CORIN: variants seen among roughly 807,000 people sequenced by gnomAD.
CORIN encodes the protein atrial natriuretic peptide-converting enzyme.
A neutral mutation model predicts 125.3 loss-of-function variants in CORIN; 117 were observed. The observed-to-expected ratio is 0.93, with a 90% CI of 0.80 to 1.09. The LOEUF (loss-of-function observed/expected upper bound fraction) is 1.09, where lower values mean the gene tolerates loss of function less well. Among genes scored for constraint, CORIN ranks in the 50% least tolerant of loss-of-function variants. The probability of loss-of-function intolerance (pLI) is 0.00; values close to 1 mark genes in which losing one functional copy is unlikely to be tolerated. For synonymous variants in CORIN, 450 were observed against 466.4 expected (o/e 0.96, Z 0.45); for missense variants, 1,253 against 1,306.7 (o/e 0.96, Z 0.63).
chr4:47,705,790 A>C (rs1220344423), intron 5 of CORIN, among the ~76,000 whole-genome samples: 1 of 152,194 alleles, frequency 6.6e-6, no homozygotes, highest in Non-Finnish European at 1.5e-5. Flanking sequence ...CTACCACAAG[A>C]GGGAGACCAC....
Position 47,693,109 on chromosome 4 carries a change from G to A in CORIN, c.800-26C>T, listed in dbSNP as rs200439625. ...CTAAAAAAAAAGGGCAGGAAATAATGTCAGAATAAGATGGGTTTTTTTTCT... is the reference window on the plus strand; with the variant it reads ...CTAAAAAAAAAGGGCAGGAAATAATATCAGAATAAGATGGGTTTTTTTTCT... On this transcript the variant is annotated intron_variant, in intron 5 of 21. Coordinates refer to ENST00000273857, the MANE Select transcript of CORIN (RefSeq NM_006587.4). The A allele has an allele frequency of 3.7e-4, 533 of 1,427,264 alleles. 1 individual carries two copies. The African/African-American group carries it at 6.4e-3, about 17-fold the overall frequency. The allele number at this position is 1,427,264 out of a possible 1,614,324, so 88.4% of individuals were successfully genotyped here.
chr4:47,820,816 TAG>T (rs145613292), intron 1 of CORIN, among the ~76,000 whole-genome samples: 12,191 of 152,176 alleles, frequency 0.08, 704 homozygotes, highest in East Asian at 0.31. Flanking sequence ...AAGGGAAAAA[TAG>T]AGTCAATTGT....
chr4:47,602,627 T>C (rs113351846), intron 20 of CORIN, among the ~76,000 whole-genome samples: 4 of 152,212 alleles, frequency 2.6e-5, no homozygotes, highest in African/African-American at 9.6e-5. Flanking sequence ...CACAGTTCAG[T>C]GACAGGTCTC....
intron 2 of CORIN, among the ~76,000 whole-genome samples, chr4:47,795,571 A>G (rs745696343): frequency 7.2e-5 from 11 of 151,978 alleles, no homozygotes; most frequent in Non-Finnish European, 1.3e-4. Context: ...GACATGACAT[A>G]AAAAGCACTG....
At chr4:47,717,906 G>A (rs1374262587) in intron 5 of CORIN, among the ~76,000 whole-genome samples, 1 of 152,076 alleles carries the variant, frequency 6.6e-6, no homozygotes, top group African/African-American at 2.4e-5. Context: ...GATACAAGAT[G>A]AACAAAGACA....
chr4:47,743,917 G>A (rs907616578), intron 5 of CORIN, among the ~76,000 whole-genome samples: 2 of 151,890 alleles, frequency 1.3e-5, no homozygotes, highest in Non-Finnish European at 2.9e-5. Flanking sequence ...CACAAGAATA[G>A]TAATAGCATC....
At chr4:47,695,992 A>G (rs1157050838) in intron 5 of CORIN, among the ~76,000 whole-genome samples, 1 of 152,180 alleles carries the variant, frequency 6.6e-6, no homozygotes, top group Non-Finnish European at 1.5e-5. Context: ...GTACTTGTGC[A>G]ATAGTGTAGT....
chr4:47,811,158 T>C (rs528051074), intron 1 of CORIN, among the ~76,000 whole-genome samples: 96 of 152,324 alleles, frequency 6.3e-4, no homozygotes, highest in African/African-American at 2.2e-3. Flanking sequence ...CTCCCTAACC[T>C]GTTCTCCACA....
chr4:47,835,348 TCAAA>T (rs2110000214), intron 1 of CORIN, among the ~76,000 whole-genome samples: 1 of 152,198 alleles, frequency 6.6e-6, no homozygotes, highest in South Asian at 2.1e-4. Flanking sequence ...AAGTAGCAGG[TCAAA>T]CAAACCTTTC....
chr4:47,602,945 A>G (rs1442343169), intron 20 of CORIN, among the ~76,000 whole-genome samples: 1 of 151,960 alleles, frequency 6.6e-6, no homozygotes, highest in Non-Finnish European at 1.5e-5. Context: ...TGCAGCCTCC[A>G]CCTTCCAGGC....
chr4:47,819,805 G>A (rs917212436), intron 1 of CORIN, among the ~76,000 whole-genome samples: 1 of 152,132 alleles, frequency 6.6e-6, no homozygotes, highest in Non-Finnish European at 1.5e-5. Context: ...TCTAGTCCCT[G>A]CTTTCCTGCC....
chr4:47,679,309 ATTTT>A (rs756539959), intron 8 of CORIN, among the ~76,000 whole-genome samples: 1 of 151,810 alleles, frequency 6.6e-6, no homozygotes, highest in African/African-American at 2.4e-5. Context: ...CTGTCTGAAG[ATTTT>A]CATTCACACA....
At chr4:47,623,132 A>ACT (rs1553904969) in intron 19 of CORIN, among the ~76,000 whole-genome samples, 10 of 142,754 alleles carry the variant, frequency 7.0e-5, no homozygotes, top group African/African-American at 2.1e-4. Flanking sequence ...ACACACACAC[A>ACT]CTCTCTCTGA....
At chr4:47,597,115 G>C (rs1721284476) in intron 21 of CORIN, among the ~76,000 whole-genome samples, 1 of 152,106 alleles carries the variant, frequency 6.6e-6, no homozygotes, top group Admixed American at 6.6e-5. Context: ...ACTTTGGGAG[G>C]CCGAGGCAGG....
chr4:47,746,308 C>A (rs1577885438), intron 4 of CORIN, among the ~76,000 whole-genome samples: 1 of 152,170 alleles, frequency 6.6e-6, no homozygotes, highest in Non-Finnish European at 1.5e-5. Context: ...ACATGCATCA[C>A]CTCACTGATT....
At chr4:47,742,425 T>C (rs1728449130) in intron 5 of CORIN, among the ~76,000 whole-genome samples, 1 of 151,994 alleles carries the variant, frequency 6.6e-6, no homozygotes, top group African/African-American at 2.4e-5. Context: ...TGTTGAGTGA[T>C]TTATCAAATT....
In CORIN at chr4:47,642,143, T is replaced by C. The variant is rs920105790; in HGVS notation, c.2069-94A>G. 3.9e-6 allele frequency: 5 copies of C among 1,285,238 alleles called. No homozygotes were observed. The African/African-American group carries it at 7.4e-5, about 19-fold the overall frequency. 79.6% of individuals were successfully genotyped at this position (1,285,238 alleles called of 1,614,324 possible). On this transcript the variant is annotated intron_variant, in intron 15 of 21. Transcript: ENST00000273857. ...CATGCCTCTGCTTCATTGGCATACA[T>C]TCATTTTCATTTATTTTAGTTAATC...
chr4:47,761,690 A>G (rs2109867704), intron 4 of CORIN, among the ~76,000 whole-genome samples: 1 of 152,340 alleles, frequency 6.6e-6, no homozygotes, highest in East Asian at 1.9e-4. Context: ...AATAGAGAAT[A>G]GAATAAAGGT....
chr4:47,669,226 C>A (rs1389721522), intron 10 of CORIN, among the ~76,000 whole-genome samples: 1 of 151,992 alleles, frequency 6.6e-6, no homozygotes, highest in African/African-American at 2.4e-5. Flanking sequence ...TCAATTCAAC[C>A]TAAAGATGGG....
Sources: allele counts gnomAD v4.1 joint callset (sites outside exome capture counted in the v4.1 genomes callset), GRCh38; gene constraint gnomAD v4.1.1; transcripts MANE v1.5; gene names NCBI Gene and HGNC (gene_info 2026-07-23, HGNC 2026-07-21).